The following SHTN1 variants were observed in gnomAD, a reference collection of about 807,000 sequenced individuals.
SHTN1 encodes shootin 1.
A neutral mutation model predicts 83.1 loss-of-function variants in SHTN1; 42 were observed. The observed-to-expected ratio is 0.51, with a 90% CI of 0.39 to 0.65. SHTN1 has a LOEUF of 0.65. Among genes scored for constraint, SHTN1 ranks in the 30% least tolerant of loss-of-function variants. SHTN1 has a pLI of 0.00. For synonymous variants in SHTN1, 224 were observed against 247.7 expected, an observed-to-expected ratio of 0.90 and a Z score of 0.90; for missense variants, 622 against 737.8, an observed-to-expected ratio of 0.84 and a Z score of 1.82.
chr10:116,905,004 A>G (rs1218471285), intron 15 of SHTN1, among the ~76,000 whole-genome samples: 3 of 151,618 alleles, frequency 2.0e-5, no homozygotes, highest in African/African-American at 4.8e-5. Flanking sequence ...GATCGAGACC[A>G]TCCTGGCTAA....
At chr10:117,120,864 CA>C (rs1013283026) in intron 1 of SHTN1, among the ~76,000 whole-genome samples, 3 of 149,370 alleles carry the variant, frequency 2.0e-5, no homozygotes, top group African/African-American at 7.4e-5. Flanking sequence ...GGCTGAAGTA[CA>C]GTGGCACGAT....
At chr10:117,078,990 T>C (rs891930952) in intron 1 of SHTN1, among the ~76,000 whole-genome samples, 3 of 151,488 alleles carry the variant, frequency 2.0e-5, no homozygotes, top group Non-Finnish European at 4.4e-5. Context: ...TTATGTCTTC[T>C]TTGTCTTCAT....
intron 1 of SHTN1, among the ~76,000 whole-genome samples, chr10:117,092,419 C>A (rs559544741): frequency 6.6e-6 from 1 of 152,132 alleles, no homozygotes; most frequent in Non-Finnish European, 1.5e-5. Context: ...GCGACAAATG[C>A]GAGAATTGAT....
At chr10:117,045,818 TTAAAG>T (rs1347169945) in intron 2 of SHTN1, among the ~76,000 whole-genome samples, 1 of 152,202 alleles carries the variant, frequency 6.6e-6, no homozygotes, top group African/African-American at 2.4e-5. Flanking sequence ...AGACTGGTAT[TTAAAG>T]TAACCAGACT....
intron 1 of SHTN1, among the ~76,000 whole-genome samples, chr10:117,097,778 A>G (rs1369750457): frequency 6.6e-6 from 1 of 152,172 alleles, no homozygotes; most frequent in African/African-American, 2.4e-5. Flanking sequence ...TAACACCATA[A>G]TTATTAAGCG....
At chr10:116,945,642 A>T (rs1849546559) in intron 7 of SHTN1, among the ~76,000 whole-genome samples, 1 of 152,294 alleles carries the variant, frequency 6.6e-6, no homozygotes, top group Middle Eastern at 3.4e-3. Flanking sequence ...CCCATCCAAG[A>T]GGCAACTGGT....
rs761957408 is a variant in SHTN1 at position 116,968,680 on chromosome 10, G to A, written c.144C>T (p.Ala48=). 1.0e-4 allele frequency: 161 copies of A among 1,611,966 alleles called. No individual in the cohort carries two copies. The highest frequency in any genetic ancestry group is 2.3e-4 in the Admixed American group (14 of 59,920). The change falls in exon 3 of 17, where the codon GCC becomes GCT. Residue 48 remains alanine, a synonymous_variant. Coordinates refer to ENST00000355371, the MANE Select transcript of SHTN1 (RefSeq NM_001127211.3). ...TCTGAAATTCTTCCAGTTTTTTAACGGCTTCATCTCGTTCTTGCCTAATTT... is the reference window on the plus strand; with the variant it reads ...TCTGAAATTCTTCCAGTTTTTTAACAGCTTCATCTCGTTCTTGCCTAATTT... ...CDKIRQERDE[A]VKKLEEFQKI... is the part of the protein sequence containing the mutation.
intron 2 of SHTN1, among the ~76,000 whole-genome samples, chr10:117,028,604 C>T (rs995641320): frequency 2.0e-5 from 3 of 152,160 alleles, no homozygotes; most frequent in Admixed American, 6.5e-5. Flanking sequence ...CCCTACATCC[C>T]GCTCTCCAGT....
intron 16 of SHTN1, among the ~76,000 whole-genome samples, chr10:116,889,698 T>G (rs1483520244): frequency 6.6e-6 from 1 of 152,170 alleles, no homozygotes; most frequent in African/African-American, 2.4e-5. Flanking sequence ...CAGCATGCTG[T>G]TTCTCAAAGG....
At chr10:117,065,830 A>G (rs1490945385) in intron 1 of SHTN1, among the ~76,000 whole-genome samples, 85 of 80,940 alleles carry the variant, frequency 1.1e-3, no homozygotes, top group Non-Finnish European at 1.7e-3. Context: ...GGAAGGAAGG[A>G]AGGAAGGAAG....
At chr10:117,009,197 A>G (rs183241057), upstream of SHTN1, among the ~76,000 whole-genome samples, 542 of 152,318 alleles carry the variant, frequency 3.6e-3, 7 homozygotes, top group African/African-American at 0.012. Context: ...TACCAAAAAC[A>G]TACACATTTT....
In SHTN1 at chr10:116,976,568, A is replaced by G. The variant is rs181451105; in HGVS notation, c.111+2688T>C. On this transcript the variant is annotated intron_variant, in intron 2 of 16. Coordinates refer to ENST00000355371, the MANE Select transcript of SHTN1 (RefSeq NM_001127211.3). Reference sequence around the variant, plus strand: ...GGGCCATGAATGAAAGGATGGCCATACGTATTTGCTGATGTCAACTGGACA... The same window carrying G: ...GGGCCATGAATGAAAGGATGGCCATGCGTATTTGCTGATGTCAACTGGACA... 1.3e-3 allele frequency among the ~76,000 whole-genome samples: 193 copies of G among 152,298 alleles called. 1 individual carries two copies. The highest frequency in any genetic ancestry group is 3.4e-3 in the Middle Eastern group (1 of 294).
chr10:116,962,101 A>G (rs1004354951), intron 3 of SHTN1, among the ~76,000 whole-genome samples: 1 of 131,866 alleles, frequency 7.6e-6, no homozygotes, highest in Non-Finnish European at 1.5e-5. Context: ...GAATAGAACC[A>G]ATTTTCAGAG....
At chr10:117,016,388 C>T (rs552971735) in intron 2 of SHTN1, among the ~76,000 whole-genome samples, 2 of 152,166 alleles carry the variant, frequency 1.3e-5, no homozygotes, top group African/African-American at 4.8e-5. Context: ...AAATATGTAC[C>T]ATGCTCAAAT....
At chr10:117,115,803 A>T (rs1853838808) in intron 1 of SHTN1, among the ~76,000 whole-genome samples, 1 of 152,246 alleles carries the variant, frequency 6.6e-6, no homozygotes, top group Non-Finnish European at 1.5e-5. Flanking sequence ...TATGCCAAGC[A>T]CTGATTAAAT....
intron 5 of SHTN1, 61 bp from the exon 6 acceptor site, chr10:116,952,067 T>A: frequency 1.2e-6 from 1 of 849,464 alleles, no homozygotes; most frequent in South Asian, 3.0e-5. Context: ...GAAATCAATC[T>A]GGTCAAAAGA....
chr10:116,902,940 C>T (rs943965892), intron 15 of SHTN1, among the ~76,000 whole-genome samples: 9 of 152,142 alleles, frequency 5.9e-5, no homozygotes, highest in Admixed American at 5.9e-4. Flanking sequence ...TGGTATTAAG[C>T]TCTGGAATGC....
chr10:117,049,624 GAACA>G (rs1401160730), intron 1 of SHTN1, among the ~76,000 whole-genome samples: 1 of 152,112 alleles, frequency 6.6e-6, no homozygotes, highest in East Asian at 1.9e-4. Flanking sequence ...GTAAATGAAT[GAACA>G]AACAAAGGAA....
At chr10:116,939,073 T>C (rs1849272360) in intron 9 of SHTN1, among the ~76,000 whole-genome samples, 2 of 152,174 alleles carry the variant, frequency 1.3e-5, no homozygotes, top group South Asian at 4.1e-4. Context: ...AGCGACAATT[T>C]CAAGCCAGTG....
Sources: gnomAD v4.1 joint callset for allele counts (sites outside exome capture counted in the v4.1 genomes callset) on GRCh38, gnomAD v4.1.1 for gene constraint, MANE v1.5 for transcripts, NCBI Gene and HGNC (gene_info 2026-07-23, HGNC 2026-07-21) for gene names.